Variants in SLC2A9 observed in about 807,000 individuals in gnomAD.
SLC2A9 encodes solute carrier family 2, facilitated glucose transporter member 9.
Under a neutral mutation model 50.6 loss-of-function variants are expected in SLC2A9, and 39 were observed. That is an observed-to-expected ratio of 0.77 (90% confidence interval 0.60 to 1.01). The LOEUF (loss-of-function observed/expected upper bound fraction) is 1.01. Ranked by LOEUF, SLC2A9 falls within the 50% of genes least tolerant of loss-of-function variation. SLC2A9 has a pLI of 0.00. For missense variants in SLC2A9, 686 were observed against 677.6 expected, an observed-to-expected ratio of 1.01 and a Z score of -0.14; for synonymous variants, 324 against 276.9, an observed-to-expected ratio of 1.17 and a Z score of -1.69.
At chr4:10,022,900 G>A (rs1051224610), upstream of SLC2A9, among the ~76,000 whole-genome samples, 1 of 152,188 alleles carries the variant, frequency 6.6e-6, no homozygotes, top group Non-Finnish European at 1.5e-5. Context: ...TATTGAGCAC[G>A]CCAGTCATTC....
At chr4:9,963,377 T>C (rs1752575989) in intron 5 of SLC2A9, among the ~76,000 whole-genome samples, 1 of 152,138 alleles carries the variant, frequency 6.6e-6, no homozygotes, top group Non-Finnish European at 1.5e-5. Flanking sequence ...AATCAGGGTC[T>C]TCTTCATAAT....
chr4:9,837,971 C>A (rs375469918), intron 10 of SLC2A9, among the ~76,000 whole-genome samples: 6 of 152,206 alleles, frequency 3.9e-5, no homozygotes, highest in Non-Finnish European at 5.9e-5. Flanking sequence ...GAACGGAATT[C>A]TCTCACCTGT....
chr4:9,879,279 A>G, intron 10 of SLC2A9: 1 of 985,466 alleles, frequency 1.0e-6, no homozygotes, highest in South Asian at 4.7e-5. Context: ...ATGAGAAGCC[A>G]CACCTCAAAT....
At chr4:9,957,251 G>T (rs1210764193) in intron 5 of SLC2A9, among the ~76,000 whole-genome samples, 1 of 151,780 alleles carries the variant, frequency 6.6e-6, no homozygotes, top group Admixed American at 6.6e-5. Flanking sequence ...TCAGTAATCA[G>T]CAGTGAATCT....
intron 5 of SLC2A9, among the ~76,000 whole-genome samples, chr4:9,979,131 A>G (rs1376577934): frequency 2.0e-5 from 3 of 152,170 alleles, no homozygotes; most frequent in Admixed American, 1.3e-4. Flanking sequence ...GACACAACCC[A>G]TACGTGGCTT....
chr4:10,018,351 C>T (rs1006083048), intron 2 of SLC2A9, among the ~76,000 whole-genome samples: 3 of 152,166 alleles, frequency 2.0e-5, no homozygotes, highest in Admixed American at 6.5e-5. Flanking sequence ...TCCAGACCAG[C>T]CTAGCCAATA....
At chr4:9,979,230 C>T (rs1755299973) in intron 5 of SLC2A9, among the ~76,000 whole-genome samples, 1 of 152,108 alleles carries the variant, frequency 6.6e-6, no homozygotes, top group South Asian at 2.1e-4. Context: ...TGCTTGCGTC[C>T]AAGGCTGCAT....
rs941788472 is a variant in SLC2A9 at position 10,018,997 on chromosome 4, G to T, written c.227C>A (p.Ser76Ter). The T allele has an allele frequency of 3.2e-6, 5 of 1,550,314 alleles. No individual in the cohort carries two copies. The highest frequency in any genetic ancestry group is 4.4e-6 in the Non-Finnish European group (5 of 1,146,918). ...GSSFLYGYNL[S>*]VVNAPTPYIK... ...CACCGGGGTGGGGGCATTCACCACC[G>T]ACAGGTTGTAGCCGTAGAGGAAGGA... The change falls in exon 2 of 12, where the codon TCG becomes TAG. Residue 76 changes from serine (S) to a stop codon, truncating the protein, a stop_gained. Coordinates refer to ENST00000264784, the MANE Select transcript of SLC2A9 (RefSeq NM_020041.3). LOFTEE classifies it high-confidence loss of function.
At chr4:10,000,736 G>A (rs1759641489) in intron 2 of SLC2A9, among the ~76,000 whole-genome samples, 1 of 152,182 alleles carries the variant, frequency 6.6e-6, no homozygotes, top group Non-Finnish European at 1.5e-5. Flanking sequence ...GCTGGACATA[G>A]TTGGGGCACA....
At chr4:9,876,268 C>T (rs1002724308) in intron 10 of SLC2A9, among the ~76,000 whole-genome samples, 5 of 152,182 alleles carry the variant, frequency 3.3e-5, no homozygotes, top group African/African-American at 1.2e-4. Context: ...GGTTCCCTAT[C>T]CCTACCCACA....
At chr4:9,885,384 T>A (rs1293828874) in intron 10 of SLC2A9, among the ~76,000 whole-genome samples, 2 of 152,218 alleles carry the variant, frequency 1.3e-5, no homozygotes, top group African/African-American at 4.8e-5. Context: ...TTTTGCTCCA[T>A]GCAATTGGCT....
At chr4:9,825,288 G>A (rs751892354), downstream of SLC2A9, among the ~76,000 whole-genome samples, 2 of 152,222 alleles carry the variant, frequency 1.3e-5, no homozygotes, top group Admixed American at 6.5e-5. Context: ...AGAGTTAGAA[G>A]AGCCCCTCAA....
At chr4:9,993,638 A>C (rs994632032) in intron 3 of SLC2A9, among the ~76,000 whole-genome samples, 2 of 152,048 alleles carry the variant, frequency 1.3e-5, no homozygotes, top group African/African-American at 4.8e-5. Flanking sequence ...TTGTACACCA[A>C]ACATAGTCAC....
At chr4:10,005,409 G>A (rs1278144030) in intron 2 of SLC2A9, among the ~76,000 whole-genome samples, 1 of 152,236 alleles carries the variant, frequency 6.6e-6, no homozygotes, top group Non-Finnish European at 1.5e-5. Flanking sequence ...GCCAGCCTCA[G>A]GAGTCTACAC....
intron 1 of SLC2A9, among the ~76,000 whole-genome samples, chr4:10,032,873 C>T (rs571100411): frequency 1.7e-4 from 26 of 152,264 alleles, no homozygotes; most frequent in Admixed American, 1.1e-3. Context: ...ATGACCTAAC[C>T]GTGACCATGG....
intron 1 of SLC2A9, among the ~76,000 whole-genome samples, chr4:9,771,817 G>A (rs1308186884): frequency 1.3e-5 from 2 of 152,130 alleles, no homozygotes; most frequent in African/African-American, 4.8e-5. Context: ...AATGTGAGTG[G>A]GCACTCACCC....
chr4:9,808,255 G>A (rs1342168172), intron 3 of SLC2A9, among the ~76,000 whole-genome samples: 2 of 152,228 alleles, frequency 1.3e-5, no homozygotes, highest in Non-Finnish European at 2.9e-5. Flanking sequence ...ATTTTGATGA[G>A]GTTCTTCTCC....
Position 9,941,946 on chromosome 4 carries a change from A to G in SLC2A9, c.781T>C (p.Leu261=). Residue 261 remains leucine, a synonymous_variant, in exon 6 of 12, where the codon TTG becomes CTG. Transcript: ENST00000264784. The part of the protein sequence containing the change: ...FLPDSPRYLL[L]EKHNEARAVK... ...GCTCTTGCCTCGTTGTGCTTCTCCA[A>G]GAGCAGGTAGCGTGGGCTGTCCGGG... 6.2e-7 allele frequency: 1 copy of G among 1,614,180 alleles called. No individual in the cohort carries two copies. The highest frequency in any genetic ancestry group is 1.1e-5 in the South Asian group (1 of 91,082).
At chr4:9,782,777 C>T (rs767580614) in intron 3 of SLC2A9, 5 of 1,614,020 alleles carry the variant, frequency 3.1e-6, no homozygotes, top group Non-Finnish European at 4.2e-6. Flanking sequence ...GCGCATCTAC[C>T]GCATCGCCCA....
Sources: gnomAD v4.1 joint callset for allele counts (sites outside exome capture counted in the v4.1 genomes callset) on GRCh38, gnomAD v4.1.1 for gene constraint, MANE v1.5 for transcripts, NCBI Gene and HGNC (gene_info 2026-07-23, HGNC 2026-07-21) for gene names.